Variants in EXTL3 observed in about 807,000 individuals in gnomAD.
EXTL3 encodes the protein exostosin-like 3.
A neutral mutation model predicts 69.3 loss-of-function variants in EXTL3; 27 were observed. The observed-to-expected ratio is 0.39, with a 90% CI of 0.29 to 0.54. The LOEUF is 0.54. EXTL3 is among the 20% of genes least tolerant of loss of function. EXTL3 has a pLI of 0.69. For synonymous variants in EXTL3, 511 were observed against 499.4 expected (o/e 1.02, Z -0.31); for missense variants, 1,003 against 1,231.8 (o/e 0.81, Z 2.78).
intron 1 of EXTL3, among the ~76,000 whole-genome samples, chr8:28,691,586 C>CTTTT (rs1585253486): frequency 6.7e-5 from 5 of 74,968 alleles, no homozygotes; most frequent in Admixed American, 2.4e-4. Flanking sequence ...TTTTTTTTTG[C>CTTTT]TATTGTGTTC....
intron 1 of EXTL3, among the ~76,000 whole-genome samples, chr8:28,640,936 A>AT (rs376341528): frequency 0.019 from 2,860 of 150,760 alleles, 91 homozygotes; most frequent in African/African-American, 0.063. Flanking sequence ...GTGTAGTATG[A>AT]TTTTTTTTTT....
chr8:28,690,220 T>G (rs1276295396), intron 1 of EXTL3, among the ~76,000 whole-genome samples: 1 of 152,278 alleles, frequency 6.6e-6, no homozygotes, highest in East Asian at 1.9e-4. Context: ...TTTCTTTCTT[T>G]TTTCTTTTTT....
chr8:28,737,813 G>C (rs913137566), intron 5 of EXTL3, 150 bp downstream of exon 5: 1 of 921,368 alleles, frequency 1.1e-6, no homozygotes, highest in Admixed American at 1.9e-5. Context: ...TACAGACAAT[G>C]ATCAAGATGC....
At chr8:28,686,245 A>G (rs1255398496) in intron 1 of EXTL3, among the ~76,000 whole-genome samples, 1 of 151,978 alleles carries the variant, frequency 6.6e-6, no homozygotes, top group African/African-American at 2.4e-5. Flanking sequence ...TAATCCCAGC[A>G]TTTTGGGAGG....
chr8:28,651,012 C>T (rs929704762), intron 1 of EXTL3, among the ~76,000 whole-genome samples: 4 of 151,920 alleles, frequency 2.6e-5, no homozygotes, highest in Non-Finnish European at 4.4e-5. Flanking sequence ...TTCTTTTTCT[C>T]CTTCTTTTCA....
chr8:28,697,322 A>C (rs1800699705), upstream of EXTL3: 1 of 152,104 alleles, frequency 6.6e-6, no homozygotes, highest in Admixed American at 6.6e-5. Context: ...TGCTTGGCCA[A>C]AGCTGATTGA....
chr8:28,628,864 G>C (rs1009177866), intron 1 of EXTL3, among the ~76,000 whole-genome samples: 1 of 152,148 alleles, frequency 6.6e-6, no homozygotes, highest in Non-Finnish European at 1.5e-5. Context: ...GTGTTGGCCA[G>C]GCTGGTCTCC....
At chr8:28,723,462 A>C (rs1480509709) in intron 3 of EXTL3, among the ~76,000 whole-genome samples, 1 of 152,204 alleles carries the variant, frequency 6.6e-6, no homozygotes, top group Non-Finnish European at 1.5e-5. Flanking sequence ...ATTGCTGGAA[A>C]GTCATGTTGC....
At chr8:28,684,136 C>T (rs141959755) in intron 1 of EXTL3, among the ~76,000 whole-genome samples, 79 of 152,246 alleles carry the variant, frequency 5.2e-4, no homozygotes, top group African/African-American at 1.7e-3. Context: ...AATAGTCCTC[C>T]CTTGTGTATA....
Position 28,751,035 on chromosome 8 carries a change from A to G in EXTL3, c.*169A>G. On this transcript the variant is annotated 3_prime_UTR_variant, in exon 7 of 7. Coordinates refer to ENST00000220562, the MANE Select transcript of EXTL3 (RefSeq NM_001440.4). ...AAACCGCTGCCTTTATCTTGAAGTC[A>G]GCCACACTGGGCCTGGAGCCCTGGG... 3.1e-6 allele frequency: 2 copies of G among 637,494 alleles called. No homozygotes were observed. Among genetic ancestry groups the G allele is most frequent in the South Asian group, 3.8e-5 (2 of 53,078 alleles). The allele number at this position is 637,494 out of a possible 1,614,324, so 39.5% of individuals were successfully genotyped here.
Position 28,751,241 on chromosome 8 carries a change from G to T in EXTL3, c.*375G>T, listed in dbSNP as rs1801996981. ...GAAAGTTTCAGATTTGCCATTCAAGGCTTATTTATATATATGTGTGTGTAT... is the reference window on the plus strand; with the variant it reads ...GAAAGTTTCAGATTTGCCATTCAAGTCTTATTTATATATATGTGTGTGTAT... On this transcript the variant is annotated 3_prime_UTR_variant, in exon 7 of 7. Coordinates refer to ENST00000220562, the MANE Select transcript of EXTL3 (RefSeq NM_001440.4). 3.7e-6 allele frequency: 1 copy of T among 270,644 alleles called. No individual in the cohort carries two copies. The highest frequency in any genetic ancestry group is 7.2e-6 in the Non-Finnish European group (1 of 138,372). The allele number at this position is 270,644 out of a possible 1,614,324, so 16.8% of individuals were successfully genotyped here.
Position 28,731,327 on chromosome 8 carries a change from T to C in EXTL3, c.2253T>C (p.His751=). 1.2e-6 allele frequency: 2 copies of C among 1,614,228 alleles called. No individual in the cohort carries two copies. Among genetic ancestry groups the C allele is most frequent in the Non-Finnish European group, 1.7e-6 (2 of 1,180,032 alleles). The change falls in exon 4 of 7, where the codon CAT becomes CAC. Residue 751 remains histidine (H), a synonymous_variant. Transcript: ENST00000220562. ...LSIDDDAHLR[H]DEIMFGFRVW... is the part of the protein sequence containing the mutation. ...TTGATGACGATGCTCACCTCCGCCA[T>C]GACGAAATCATGTTTGGGTTCCGGT...
chr8:28,733,380 G>T (rs1801579497), intron 4 of EXTL3, among the ~76,000 whole-genome samples: 1 of 151,856 alleles, frequency 6.6e-6, no homozygotes, highest in Admixed American at 6.6e-5. Context: ...ATATAAATGT[G>T]TGTGTGTGTG....
intron 2 of EXTL3, 83 bp downstream of exon 2, chr8:28,713,633 T>A: frequency 1.5e-6 from 1 of 686,194 alleles, no homozygotes; most frequent in South Asian, 1.6e-5. Context: ...TTTGTTACAA[T>A]TTGGTCATAA....
chr8:28,732,766 C>A (rs953699707), intron 4 of EXTL3, among the ~76,000 whole-genome samples: 1 of 152,178 alleles, frequency 6.6e-6, no homozygotes, highest in African/African-American at 2.4e-5. Context: ...CTCTGTTGCG[C>A]AGGCTGGAGT....
intron 3 of EXTL3, among the ~76,000 whole-genome samples, chr8:28,728,382 G>A (rs1031704181): frequency 6.6e-6 from 1 of 152,174 alleles, no homozygotes; most frequent in Non-Finnish European, 1.5e-5. Context: ...TCGGTCCTTC[G>A]TTTTGTCATT....
Position 28,717,581 on chromosome 8 carries a change from A to G in EXTL3, c.1522A>G (p.Met508Val). ...RSLSDSDLLA[M>V]RRQGRFLWET... The stretch of plus-strand genomic sequence containing the variant: ...CCTCTCCGATAGTGACCTCCTGGCT[A>G]TGAGGCGGCAAGGCCGCTTTCTCTG... The change falls in exon 3 of 7, where the codon ATG becomes GTG. Residue 508 changes from methionine (M) to valine (V), a missense_variant. This residue lies in a region of EXTL3 where 742 missense variants were observed against 815.4 expected (regional missense o/e 0.91). Transcript: ENST00000220562. The surrounding 1 kb of genome is among the most constrained non-coding windows in gnomAD (Gnocchi z 8.3). 2 of 1,614,228 alleles carry G rather than the reference A, an allele frequency of 1.2e-6. No individual in the cohort carries two copies. Among genetic ancestry groups the G allele is most frequent in the Non-Finnish European group, 1.7e-6 (2 of 1,180,034 alleles).
At chr8:28,650,660 A>G (rs571705190) in intron 1 of EXTL3, among the ~76,000 whole-genome samples, 4 of 152,002 alleles carry the variant, frequency 2.6e-5, no homozygotes, top group African/African-American at 9.6e-5. Context: ...CCCGGCCTGT[A>G]TTTATTCTTT....
intron 1 of EXTL3, among the ~76,000 whole-genome samples, chr8:28,676,356 C>T (rs1807382284): frequency 6.6e-6 from 1 of 152,176 alleles, no homozygotes; most frequent in Non-Finnish European, 1.5e-5. Flanking sequence ...GCACTTCAGT[C>T]AGTGAACTGG....
Sources: gnomAD v4.1 joint callset for allele counts (sites outside exome capture counted in the v4.1 genomes callset) on GRCh38, gnomAD v4.1.1 for gene constraint, gnomAD v4.1.1 regional missense constraint, Gnocchi (gnomAD v3.1) non-coding constraint, MANE v1.5 for transcripts, NCBI Gene and HGNC (gene_info 2026-07-23, HGNC 2026-07-21) for gene names.